CCND3: variants seen among roughly 807,000 people sequenced by gnomAD.
The protein encoded by CCND3 is G1/S-specific cyclin-D3.
CCND3 carries 9 observed loss-of-function variants against 28.7 expected under a neutral mutation model. That is an observed-to-expected ratio of 0.31 (90% CI 0.19 to 0.55). The LOEUF (loss-of-function observed/expected upper bound fraction) is 0.55, where lower values mean the gene tolerates loss of function less well. Ranked by LOEUF, CCND3 falls within the 20% of genes least tolerant of loss-of-function variation. The pLI is 0.93. For synonymous variants in CCND3, 164 were observed against 163.9 expected (o/e 1.00, Z 0.00); for missense variants, 315 against 385.8 (o/e 0.82, Z 1.54).
intron 1 of CCND3, among the ~76,000 whole-genome samples, chr6:42,016,616 G>A (rs139079816): frequency 3.9e-5 from 5 of 128,850 alleles, no homozygotes; most frequent in Middle Eastern, 5.0e-3. Context: ...TTTTTGAGAC[G>A]GAGTTATTGC....
At chr6:42,002,220 C>A (rs965454948) in intron 1 of CCND3, among the ~76,000 whole-genome samples, 1 of 148,732 alleles carries the variant, frequency 6.7e-6, no homozygotes, top group Non-Finnish European at 1.5e-5. Context: ...CCGAGGTGGG[C>A]GGATCACTTG....
intron 1 of CCND3, among the ~76,000 whole-genome samples, chr6:42,026,470 C>T (rs1161702041): frequency 6.6e-6 from 1 of 152,152 alleles, no homozygotes; most frequent in South Asian, 2.1e-4. Flanking sequence ...CAAGGGGGTT[C>T]TGGTCCCTCT....
intron 1 of CCND3, among the ~76,000 whole-genome samples, chr6:42,041,408 G>C (rs1001612876): frequency 1.3e-5 from 2 of 152,242 alleles, no homozygotes; most frequent in African/African-American, 4.8e-5. Context: ...TGGAAAGAAG[G>C]AAGAGAAGGC....
At chr6:41,992,692 TG>T (rs1463549304) in intron 1 of CCND3, among the ~76,000 whole-genome samples, 1 of 151,446 alleles carries the variant, frequency 6.6e-6, no homozygotes, top group African/African-American at 2.4e-5. Context: ...TGTGATACAC[TG>T]GTCTCGGCCT....
chr6:42,006,920 AG>A (rs1192463707), intron 1 of CCND3, among the ~76,000 whole-genome samples: 3 of 151,932 alleles, frequency 2.0e-5, no homozygotes, highest in African/African-American at 7.2e-5. Context: ...AAAAAAAAAA[AG>A]AAAAATTAAG....
chr6:42,028,874 G>A (rs895713919), intron 1 of CCND3, among the ~76,000 whole-genome samples: 3 of 152,184 alleles, frequency 2.0e-5, no homozygotes, highest in Non-Finnish European at 2.9e-5. Context: ...CTATTTTCAA[G>A]GCCAAATAGG....
chr6:41,972,033 G>A (rs2127408336), intron 1 of CCND3, among the ~76,000 whole-genome samples: 2 of 149,796 alleles, frequency 1.3e-5, no homozygotes, highest in African/African-American at 4.9e-5. Flanking sequence ...AGACCATCCT[G>A]GCTAACATGG....
chr6:41,936,551 G>C lies in CCND3; in HGVS notation c.711+8C>G. The stretch of plus-strand genomic sequence containing the variant: ...GGAGAGGCTGCTGCCCAGCTACCCA[G>C]CACTCACCACTTCAGTGCCAGTGAT... On this transcript the variant is annotated splice_region_variant and intron_variant, in intron 4 of 4. Transcript: ENST00000372991. The surrounding 1 kb of genome is among the most constrained non-coding windows in gnomAD (Gnocchi z 4.4). The C allele has an allele frequency of 1.9e-6, 3 of 1,614,026 alleles. No homozygotes were observed. The Middle Eastern group carries it at 5.0e-4, about 267-fold the overall frequency.
Position 41,941,645 on chromosome 6 carries a change from T to A in CCND3, c.5A>T (p.Glu2Val). M[E>V]LLCCEGTRHA... The stretch of plus-strand genomic sequence containing the variant: ...CCGGGTGCCTTCGCAACACAGCAGC[T>A]CCATACTCGGGCAGCGAACAGGCAG... Residue 2 changes from glutamate (E) to valine (V), a missense_variant, in exon 1 of 5, where the codon GAG (glutamate) becomes GTG (valine). By Grantham distance (121) the Glu-to-Val change is moderately radical. Transcript: ENST00000372991. This position sits in a 1 kb window ranked among gnomAD's most constrained non-coding sequence, Gnocchi z 6.1. 1 of 1,457,226 alleles carries A rather than the reference T, an allele frequency of 6.9e-7. No homozygotes were observed. The highest frequency in any genetic ancestry group is 9.1e-7 in the Non-Finnish European group (1 of 1,104,064). 90.3% of individuals were successfully genotyped at this position (1,457,226 alleles called of 1,614,324 possible). A position where few individuals can be genotyped will look rare whatever the true frequency, so the allele number is the denominator to read the frequency against.
chr6:42,009,349 C>T (rs1763269637), intron 1 of CCND3, among the ~76,000 whole-genome samples: 2 of 152,086 alleles, frequency 1.3e-5, no homozygotes, highest in South Asian at 2.1e-4. Context: ...CGGTGGCTCA[C>T]ACCTGTAATC....
intron 1 of CCND3, among the ~76,000 whole-genome samples, chr6:41,972,240 A>AGAAAAGAAAAG (rs1554162049): frequency 1.0e-5 from 1 of 99,738 alleles, no homozygotes; most frequent in African/African-American, 3.9e-5. Context: ...AAAAAAAAAA[A>AGAAAAGAAAAG]AAAAGAAAAG....
chr6:41,935,826 A>T lies in CCND3; in HGVS notation c.*114T>A. On this transcript the variant is annotated 3_prime_UTR_variant, in exon 5 of 5. Coordinates refer to ENST00000372991, the MANE Select transcript of CCND3 (RefSeq NM_001760.5). ...GGACCAGATCCCTTGGGCTTTGTGA[A>T]GGGGGAACAGACGCCCCTTCAGGCT... The T allele has an allele frequency of 9.7e-7, 1 of 1,026,344 alleles. No individual in the cohort carries two copies. The highest frequency in any genetic ancestry group is 2.6e-5 in the East Asian group (1 of 38,418). The allele number at this position is 1,026,344 out of a possible 1,614,324, so 63.6% of individuals were successfully genotyped here. A position where few individuals can be genotyped will look rare whatever the true frequency, so the allele number is the denominator to read the frequency against.
chr6:42,012,309 G>A (rs1296326997), intron 1 of CCND3, among the ~76,000 whole-genome samples: 8 of 152,178 alleles, frequency 5.3e-5, no homozygotes, highest in African/African-American at 1.7e-4. Flanking sequence ...GGGAGGCTGA[G>A]GCAGGAGAAT....
chr6:41,941,877 G>A (rs1217967054), upstream of CCND3: 2 of 234,842 alleles, frequency 8.5e-6, no homozygotes, highest in Middle Eastern at 1.3e-3. This position sits in a 1 kb window ranked among gnomAD's most constrained non-coding sequence, Gnocchi z 6.1. Flanking sequence ...TCCGAGGGGC[G>A]GGGCTGCGGC....
chr6:41,950,768 G>A (rs1164427055), intron 1 of CCND3, among the ~76,000 whole-genome samples: 1 of 149,788 alleles, frequency 6.7e-6, no homozygotes, highest in Non-Finnish European at 1.5e-5. Flanking sequence ...GAGTGCAGTG[G>A]CGCGATCTCA....
chr6:41,981,481 G>A (rs974429840), intron 1 of CCND3, among the ~76,000 whole-genome samples: 1 of 150,752 alleles, frequency 6.6e-6, no homozygotes, highest in African/African-American at 2.4e-5. Flanking sequence ...GGGATTATAG[G>A]CTTGAGCCAC....
intron 1 of CCND3, among the ~76,000 whole-genome samples, chr6:42,008,131 A>T (rs1177515059): frequency 6.6e-6 from 1 of 152,118 alleles, no homozygotes; most frequent in Non-Finnish European, 1.5e-5. Flanking sequence ...CTGTAATCTC[A>T]GCACTTTGGG....
chr6:41,981,126 A>T (rs1276684811), intron 1 of CCND3, among the ~76,000 whole-genome samples: 1 of 16,464 alleles, frequency 6.1e-5, no homozygotes, highest in Non-Finnish European at 1.3e-4. Flanking sequence ...TAGAAAATCC[A>T]AAAGAATTGA....
chr6:42,032,777 A>G (rs1433795477), intron 1 of CCND3, among the ~76,000 whole-genome samples: 1 of 152,026 alleles, frequency 6.6e-6, no homozygotes, highest in East Asian at 1.9e-4. Context: ...AAACCTACCC[A>G]TTTCCACGAT....
Sources: gnomAD v4.1 joint callset for allele counts (sites outside exome capture counted in the v4.1 genomes callset) on GRCh38, gnomAD v4.1.1 for gene constraint, Gnocchi (gnomAD v3.1) non-coding constraint, MANE v1.5 for transcripts, NCBI Gene and HGNC (gene_info 2026-07-23, HGNC 2026-07-21) for gene names.